Variants in RAB3GAP2 observed in about 807,000 individuals in gnomAD.
RAB3GAP2 encodes the protein RAB3 GTPase activating non-catalytic protein subunit 2, also known as rab3 GTPase-activating protein non-catalytic subunit.
Under a neutral mutation model 185.3 loss-of-function variants are expected in RAB3GAP2, and 87 were observed. That is an observed-to-expected ratio of 0.47 (90% CI 0.39 to 0.56). The LOEUF is 0.56. RAB3GAP2 is among the 20% of genes least tolerant of loss of function. RAB3GAP2 has a pLI of 0.00. For missense variants in RAB3GAP2, 1,492 were observed against 1,638.2 expected (o/e 0.91, Z 1.54); for synonymous variants, 554 against 576.1 (o/e 0.96, Z 0.55).
chr1:220,248,705 T>C (rs1488734808), intron 1 of RAB3GAP2, among the ~76,000 whole-genome samples: 1 of 151,984 alleles, frequency 6.6e-6, no homozygotes, highest in Non-Finnish European at 1.5e-5. Context: ...AGTAGTGATA[T>C]GGCTTGTGTC....
intron 9 of RAB3GAP2, among the ~76,000 whole-genome samples, chr1:220,197,825 T>C (rs1262404509): frequency 2.0e-5 from 3 of 152,196 alleles, no homozygotes; most frequent in Admixed American, 6.5e-5. Flanking sequence ...TGATCAATCC[T>C]TTCCATCCTT....
chr1:220,153,479 T>C (rs1657800277), intron 32 of RAB3GAP2, 73 bp from the exon 33 acceptor site: 6 of 1,367,300 alleles, frequency 4.4e-6, no homozygotes, highest in African/African-American at 1.4e-5. Flanking sequence ...CCAAGTATTG[T>C]TAGCTTTTCT....
intron 27 of RAB3GAP2, 126 bp from the exon 28 acceptor site, chr1:220,162,394 GTAATAT>G (rs1657980182): frequency 1.5e-6 from 1 of 662,352 alleles, no homozygotes; most frequent in South Asian, 1.9e-5. Flanking sequence ...TATATCTCAT[GTAATAT>G]TTATAAAGTT....
chr1:220,214,073 A>C (rs1459297446), intron 2 of RAB3GAP2, 94 bp from the exon 3 acceptor site: 5 of 1,220,100 alleles, frequency 4.1e-6, no homozygotes, highest in Non-Finnish European at 5.9e-6. Context: ...GAAGAAAAAA[A>C]AGAAAAGGAA....
chr1:220,269,490 A>C (rs751711409), intron 1 of RAB3GAP2, among the ~76,000 whole-genome samples: 41 of 152,202 alleles, frequency 2.7e-4, no homozygotes, highest in Non-Finnish European at 4.4e-5. Flanking sequence ...TTGGGAGGCC[A>C]AGGCAGGTGG....
At chr1:220,220,738 A>C in intron 2 of RAB3GAP2, 1 of 155,072 alleles carries the variant, frequency 6.4e-6, no homozygotes, top group Non-Finnish European at 1.4e-5. Context: ...ATAGTGAATG[A>C]GTCTCACAAG....
At chr1:220,219,347 T>G (rs942654380) in intron 2 of RAB3GAP2, 1 of 152,182 alleles carries the variant, frequency 6.6e-6, no homozygotes, top group African/African-American at 2.4e-5. Flanking sequence ...TTCCTCCTTT[T>G]CCAGAAAAGA....
intron 1 of RAB3GAP2, among the ~76,000 whole-genome samples, chr1:220,268,762 A>G (rs1202076368): frequency 1.3e-5 from 2 of 152,202 alleles, no homozygotes; most frequent in Admixed American, 1.3e-4. Flanking sequence ...TTATAAATCT[A>G]TAGGTATAGT....
chr1:220,190,035 C>CT, intron 16 of RAB3GAP2, 29 bp downstream of exon 16: 1 of 1,500,292 alleles, frequency 6.7e-7, no homozygotes, highest in Non-Finnish European at 9.3e-7. Flanking sequence ...GAACAATATG[C>CT]TTTATTATTT....
chr1:220,253,055 C>T (rs544913981), intron 1 of RAB3GAP2, among the ~76,000 whole-genome samples: 15 of 152,246 alleles, frequency 9.9e-5, no homozygotes, highest in Admixed American at 2.6e-4. Flanking sequence ...CTTTGTGGTT[C>T]GGTAGACTCA....
At chr1:220,183,402 C>T (rs571216556) in intron 19 of RAB3GAP2, among the ~76,000 whole-genome samples, 1 of 152,118 alleles carries the variant, frequency 6.6e-6, no homozygotes, top group African/African-American at 2.4e-5. Context: ...GTGTGCACCA[C>T]CACATCCAGC....
chr1:220,219,791 C>T (rs1659271433), intron 2 of RAB3GAP2, among the ~76,000 whole-genome samples: 1 of 152,128 alleles, frequency 6.6e-6, no homozygotes, highest in South Asian at 2.1e-4. Flanking sequence ...TCACAATGAG[C>T]TAGTATTAGG....
Position 220,186,708 on chromosome 1 carries a change from G to A in RAB3GAP2, c.1780-967C>T, listed in dbSNP as rs916700499. On this transcript the variant is annotated intron_variant, in intron 17 of 34. Coordinates refer to ENST00000358951, the MANE Select transcript of RAB3GAP2 (RefSeq NM_012414.4). ...GAAGACCTATAACTTTTGTTACTGG[G>A]TTTTCTAGCATTCTTTATAAAATTC... Among the ~76,000 whole-genome samples, 6 of 151,952 alleles carry A rather than the reference G, an allele frequency of 3.9e-5. No individual in the cohort carries two copies. In the South Asian group the frequency reaches 1.2e-3, roughly 32 times the overall value.
chr1:220,182,108 G>A, intron 21 of RAB3GAP2, 149 bp downstream of exon 21: 1 of 1,260,986 alleles, frequency 7.9e-7, no homozygotes, highest in Non-Finnish European at 1.1e-6. Context: ...TAAATATGGT[G>A]ATTAAAATTT....
chr1:220,174,019 CAAAA>C (rs398050108), intron 21 of RAB3GAP2, among the ~76,000 whole-genome samples: 3 of 50,996 alleles, frequency 5.9e-5, no homozygotes, highest in Non-Finnish European at 1.2e-4. Context: ...GACTCTGTCT[CAAAA>C]AAAAAAAAAA....
chr1:220,190,199 T>C, intron 15 of RAB3GAP2, 53 bp from the exon 16 acceptor site: 1 of 1,548,330 alleles, frequency 6.5e-7, no homozygotes, highest in Non-Finnish European at 8.9e-7. Flanking sequence ...ATTTTCTTTC[T>C]AATTCTGACA....
intron 1 of RAB3GAP2, among the ~76,000 whole-genome samples, chr1:220,261,639 C>T (rs2102532461): frequency 6.6e-6 from 1 of 152,362 alleles, no homozygotes; most frequent in Middle Eastern, 3.4e-3. Context: ...TGGGCTCTAA[C>T]TTGGACTTCT....
chr1:220,254,601 T>C, intron 1 of RAB3GAP2: 1 of 1,295,686 alleles, frequency 7.7e-7, no homozygotes, highest in Non-Finnish European at 1.1e-6. Context: ...TCTTAGTCTA[T>C]CTCTTGTACA....
chr1:220,151,190 A>G lies in RAB3GAP2; in HGVS notation c.*61T>C. ...TAAAATTCCAGGTCTTACTATGTAA[A>G]ATAACCATGCACTACTTCATGTTAT... On this transcript the variant is annotated 3_prime_UTR_variant, in exon 35 of 35. Transcript: ENST00000358951. 3.3e-6 allele frequency: 5 copies of G among 1,530,884 alleles called. No homozygotes were observed. The highest frequency in any genetic ancestry group is 4.5e-6 in the Non-Finnish European group (5 of 1,111,884). 94.8% of individuals were successfully genotyped at this position (1,530,884 alleles called of 1,614,324 possible).
Sources: gnomAD v4.1 joint callset for allele counts (sites outside exome capture counted in the v4.1 genomes callset) on GRCh38, gnomAD v4.1.1 for gene constraint, MANE v1.5 for transcripts, NCBI Gene and HGNC (gene_info 2026-07-23, HGNC 2026-07-21) for gene names.